Variants in PLEC observed in about 807,000 individuals in gnomAD.
PLEC encodes the protein plectin, also known as hemidesmosomal protein 1.
PLEC carries 216 observed loss-of-function variants against 392.8 expected under a neutral mutation model. The ratio of observed to expected loss-of-function variants is 0.55; its 90% confidence interval spans 0.49 to 0.62. The LOEUF is 0.62. Ranked by LOEUF, PLEC falls within the 20% of genes least tolerant of loss-of-function variation. The pLI, the probability that PLEC is intolerant of heterozygous loss-of-function variation, is 0.00. For missense variants in PLEC, 6,863 were observed against 6,563.4 expected, an observed-to-expected ratio of 1.05 and a Z score of -1.58; for synonymous variants, 3,621 against 2,980.6, an observed-to-expected ratio of 1.21 and a Z score of -7.00.
intron 1 of PLEC, among the ~76,000 whole-genome samples, chr8:143,972,820 G>A (rs1357423794): frequency 6.6e-6 from 1 of 152,176 alleles, no homozygotes; most frequent in Non-Finnish European, 1.5e-5. Flanking sequence ...GAGGCATCAA[G>A]CAGGTGGGCA....
chr8:143,935,318 G>C lies in PLEC; in HGVS notation c.603-5C>G. The stretch of plus-strand genomic sequence containing the variant: ...TTCATGTCGATGAGCAGGGGCCTGG[G>C]ACAAGCAGGTGGCTGGTCAGGTGGG... On this transcript the variant is annotated splice_polypyrimidine_tract_variant and splice_region_variant and intron_variant, in intron 6 of 31. Coordinates refer to ENST00000345136, the MANE Select transcript of PLEC (RefSeq NM_201384.3). The C allele has an allele frequency of 6.3e-7, 1 of 1,597,428 alleles. No individual in the cohort carries two copies. Among genetic ancestry groups the C allele is most frequent in the Non-Finnish European group, 8.5e-7 (1 of 1,176,652 alleles).
In PLEC at chr8:143,929,825, C is replaced by A. The variant is rs781951273; in HGVS notation, c.2744G>T (p.Arg915Leu). 5.0e-6 allele frequency: 8 copies of A among 1,599,240 alleles called. No individual in the cohort carries two copies. In the South Asian group the frequency reaches 5.5e-5, roughly 11 times the overall value. Residue 915 changes from arginine to leucine, a missense_variant, in exon 23 of 32, where the codon CGC becomes CTC. Coordinates refer to ENST00000345136, the MANE Select transcript of PLEC (RefSeq NM_201384.3). ...LIRSWSLATF[R>L]TLKPEEQRQA... ...GCGCTGCTCCTCTGGCTTCAGGGTGCGGAACTGGGGGAAGCACGTGGGGCT... is the reference window on the plus strand; with the variant it reads ...GCGCTGCTCCTCTGGCTTCAGGGTGAGGAACTGGGGGAAGCACGTGGGGCT...
chr8:143,927,521 A>G lies in PLEC; in HGVS notation c.3645T>C (p.Ser1215=), dbSNP rs1199029912. The G allele has an allele frequency of 8.8e-6, 14 of 1,597,160 alleles. No homozygotes were observed. Among genetic ancestry groups the G allele is most frequent in the African/African-American group, 5.3e-5 (4 of 74,820 alleles). ...LGRQLRYYRE[S]ADPLGAWLQD... ...GCAGCCAGGCGCCCAAGGGGTCTGCACTCTCGCGGTAGTAACGCAGCTGGC... is the reference window on the plus strand; with the variant it reads ...GCAGCCAGGCGCCCAAGGGGTCTGCGCTCTCGCGGTAGTAACGCAGCTGGC... The change falls in exon 27 of 32, where the codon AGT becomes AGC. Residue 1215 remains serine, a synonymous_variant. Transcript: ENST00000345136.
chr8:143,928,631 C>A (rs1370677075), intron 25 of PLEC, among the ~76,000 whole-genome samples: 1 of 126,182 alleles, frequency 7.9e-6, no homozygotes, highest in African/African-American at 5.3e-5. Context: ...GAGGCGGCGG[C>A]CCTATCACTG....
At chr8:143,959,491 G>A (rs374848130) in intron 1 of PLEC, among the ~76,000 whole-genome samples, 17 of 152,238 alleles carry the variant, frequency 1.1e-4, no homozygotes, top group African/African-American at 3.4e-4. Flanking sequence ...GGCAGATGCC[G>A]CGCTAACCTG....
At chr8:143,952,765 C>G (rs1228599593), upstream of PLEC, among the ~76,000 whole-genome samples, 1 of 152,208 alleles carries the variant, frequency 6.6e-6, no homozygotes, top group Non-Finnish European at 1.5e-5. Context: ...AGGACTGACC[C>G]CCGCTGGGCC....
At position 143,936,019 on chromosome 8, in the gene PLEC, T is replaced by C. The variant is rs372780189; in HGVS notation, c.436-5A>G. On this transcript the variant is annotated splice_polypyrimidine_tract_variant and splice_region_variant and intron_variant, in intron 5 of 31. Coordinates refer to ENST00000345136, the MANE Select transcript of PLEC (RefSeq NM_201384.3). ...ACTCACCTGGATATCTGAGATCTGC[T>C]CACAGCAGAGAGGAGGCCACAGCTC... 1.2e-6 allele frequency: 2 copies of C among 1,611,230 alleles called. No individual in the cohort carries two copies. Among genetic ancestry groups the C allele is most frequent in the Non-Finnish European group, 8.5e-7 (1 of 1,179,886 alleles).
chr8:143,924,774 G>A lies in PLEC; in HGVS notation c.5155C>T (p.Arg1719Trp), dbSNP rs782367966. 54 of 1,535,132 alleles carry A rather than the reference G, an allele frequency of 3.5e-5. No individual in the cohort carries two copies. The highest frequency in any genetic ancestry group is 3.3e-4 in the Middle Eastern group (2 of 5,992). ...TGCTCCCCCTGCTCCGTCTCGGCCC[G>A]CAGCCGGATCAACTCCTGCTCCGCG... ...LAAEQELIRL[R>W]AETEQGEQQR... The change falls in exon 31 of 32, where the codon CGG becomes TGG. Residue 1719 changes from arginine (R) to tryptophan (W), a missense_variant. Coordinates refer to ENST00000345136, the MANE Select transcript of PLEC (RefSeq NM_201384.3).
chr8:143,941,415 G>A (rs572513887), upstream of PLEC, among the ~76,000 whole-genome samples: 1 of 152,070 alleles, frequency 6.6e-6, no homozygotes, highest in Admixed American at 6.5e-5. Flanking sequence ...GCCCTGGGCC[G>A]GGCCAGGGTC....
At chr8:143,932,593 G>C in intron 15 of PLEC, 32 bp from the exon 16 acceptor site, 2 of 1,612,164 alleles carry the variant, frequency 1.2e-6, no homozygotes, top group Non-Finnish European at 1.7e-6. Context: ...TCAGCAGGCC[G>C]CGGGCTACCC....
intron 1 of PLEC, among the ~76,000 whole-genome samples, chr8:143,949,709 G>A (rs1831905269): frequency 6.6e-6 from 1 of 152,212 alleles, no homozygotes; most frequent in Admixed American, 6.5e-5. Context: ...GTCACACCGG[G>A]CACTCTGTGC....
rs541897170 is a variant in PLEC, at chr8:143,917,391, C to T, written c.12430G>A (p.Val4144Met). The T allele has an allele frequency of 6.2e-6, 10 of 1,612,032 alleles. No individual in the cohort carries two copies. The highest frequency in any genetic ancestry group is 3.3e-5 in the Admixed American group (2 of 60,024). The part of the protein sequence containing the change: ...SSVRKRRVVI[V>M]DPETGKEMSV... ...ATCTCCTTGCCCGTCTCGGGGTCCA[C>T]GATGACCACTCGGCGCTTGCGCACG... Residue 4144 changes from valine to methionine, a missense_variant, in exon 32 of 32, where the codon GTG (valine) becomes ATG (methionine). Physicochemically the swap from Val to Met is conservative, Grantham distance 21. Transcript: ENST00000345136.
chr8:143,933,744 G>A (rs1554719661), intron 12 of PLEC, among the ~76,000 whole-genome samples: 2 of 152,122 alleles, frequency 1.3e-5, no homozygotes, highest in African/African-American at 4.8e-5. Context: ...AGGGGGCCTG[G>A]CGGGGGCAAG....
intron 1 of PLEC, chr8:143,946,254 GCA>G: frequency 1.1e-6 from 1 of 939,156 alleles, no homozygotes; most frequent in Admixed American, 2.5e-5. Context: ...AGGTCTGACG[GCA>G]CAGAACGGTG....
chr8:143,943,993 G>A (rs541582547), upstream of PLEC: 35 of 1,521,878 alleles, frequency 2.3e-5, no homozygotes, highest in South Asian at 8.3e-5. Flanking sequence ...GAGGGGGAGC[G>A]CCGGGACCGG....
Position 143,923,904 on chromosome 8 carries a change from C to A in PLEC, c.6025G>T (p.Glu2009Ter), listed in dbSNP as rs782186480. The A allele has an allele frequency of 6.3e-7, 1 of 1,595,080 alleles. No homozygotes were observed. The highest frequency in any genetic ancestry group is 1.1e-5 in the South Asian group (1 of 90,748). ...EAARQRKAAL[E>*]EVERLKAKVE... ...TTGGCTTTCAGCCGCTCGACTTCCT[C>A]CAGCGCCGCCTTCCGCTGCCGTGCG... Residue 2009 changes from glutamate to a stop codon, truncating the protein, a stop_gained, in exon 31 of 32, where the codon GAG becomes TAG. Transcript: ENST00000345136. LOFTEE classifies it high-confidence loss of function.
At chr8:143,970,279 T>C (rs1231182318) in intron 1 of PLEC, among the ~76,000 whole-genome samples, 5 of 150,126 alleles carry the variant, frequency 3.3e-5, no homozygotes, top group Admixed American at 6.6e-5. Flanking sequence ...CGGTGTTTAC[T>C]GTCAAAAGTA....
chr8:143,937,691 G>A (rs185171319), intron 3 of PLEC: 18 of 488,676 alleles, frequency 3.7e-5, no homozygotes, highest in African/African-American at 2.5e-4. Flanking sequence ...CAGAAAGCCG[G>A]GCTCCACGGT....
At position 143,916,664 on chromosome 8, in the gene PLEC, C is replaced by T. The variant is rs782726792; in HGVS notation, c.13157G>A (p.Arg4386His). ...GGTCAGGTACTGCACCTCCAGGAAG[C>T]GCTGGCCGGCCTCGTAGTAGAGCCA... is the stretch of plus-strand genomic sequence containing the variant. ...KGWLYYEAGQRFLEVQYLTGG... is the reference protein window; with the variant it reads ...KGWLYYEAGQHFLEVQYLTGG... The change falls in exon 32 of 32, where the codon CGC (arginine) becomes CAC (histidine). Residue 4386 changes from arginine (R) to histidine (H), a missense_variant. Physicochemically the swap from Arg to His is conservative, Grantham distance 29. Coordinates refer to ENST00000345136, the MANE Select transcript of PLEC (RefSeq NM_201384.3). The T allele has an allele frequency of 3.1e-6, 5 of 1,611,132 alleles. No individual in the cohort carries two copies. Among genetic ancestry groups the T allele is most frequent in the East Asian group, 2.2e-5 (1 of 44,842 alleles).
Sources: allele counts gnomAD v4.1 joint callset (sites outside exome capture counted in the v4.1 genomes callset), GRCh38; gene constraint gnomAD v4.1.1; transcripts MANE v1.5; gene names NCBI Gene and HGNC (gene_info 2026-07-23, HGNC 2026-07-21).